Variants in GRM7 observed in about 807,000 individuals in gnomAD.
GRM7 encodes the protein glutamate metabotropic receptor 7, also known as metabotropic glutamate receptor 7.
A neutral mutation model predicts 84.5 loss-of-function variants in GRM7; 35 were observed. That is an observed-to-expected ratio of 0.41 (90% CI 0.32 to 0.55). The LOEUF is 0.55. Among genes scored for constraint, GRM7 ranks in the 20% least tolerant of loss-of-function variants. The pLI is 0.19. For synonymous variants in GRM7, 487 were observed against 455.1 expected (o/e 1.07, Z -0.89); for missense variants, 1,003 against 1,194.6 (o/e 0.84, Z 2.36).
At chr3:7,409,576 TTGTTTTGTTTTG>T (rs1395102274) in intron 4 of GRM7, among the ~76,000 whole-genome samples, 4 of 10,210 alleles carry the variant, frequency 3.9e-4, no homozygotes, top group South Asian at 2.5e-3. Context: ...TGTTTTGTGT[TTGTTTTGTTTTG>T]TTTTGTTTTG....
chr3:7,281,425 A>C (rs2124996074), intron 2 of GRM7, among the ~76,000 whole-genome samples: 1 of 152,294 alleles, frequency 6.6e-6, no homozygotes, highest in Non-Finnish European at 1.5e-5. Context: ...GGAAGATCTC[A>C]ATAAATTGTG....
chr3:7,233,864 G>T (rs1339982502), intron 2 of GRM7, among the ~76,000 whole-genome samples: 2 of 152,104 alleles, frequency 1.3e-5, no homozygotes, highest in African/African-American at 4.8e-5. Flanking sequence ...TTTGCTTTAA[G>T]ACCTCTAATC....
chr3:7,211,397 G>T (rs894062506), intron 2 of GRM7, among the ~76,000 whole-genome samples: 1 of 152,144 alleles, frequency 6.6e-6, no homozygotes, highest in African/African-American at 2.4e-5. Flanking sequence ...TCTGATGCAG[G>T]TGGAAAGAGA....
At chr3:7,534,877 C>T (rs560863213) in intron 7 of GRM7, among the ~76,000 whole-genome samples, 1 of 152,196 alleles carries the variant, frequency 6.6e-6, no homozygotes, top group African/African-American at 2.4e-5. Flanking sequence ...AATGCATTTT[C>T]TTATATAATG....
intron 8 of GRM7, among the ~76,000 whole-genome samples, chr3:7,609,633 A>G (rs1696754904): frequency 6.6e-6 from 1 of 152,066 alleles, no homozygotes; most frequent in African/African-American, 2.4e-5. Flanking sequence ...TGAGATATAA[A>G]TGGAGTAAAT....
chr3:7,404,956 C>G (rs1178177348), intron 4 of GRM7, among the ~76,000 whole-genome samples: 1 of 152,132 alleles, frequency 6.6e-6, no homozygotes, highest in African/African-American at 2.4e-5. Context: ...CATATTATAT[C>G]AAGCTAAAGC....
chr3:7,319,899 T>C (rs1027670751), intron 4 of GRM7, among the ~76,000 whole-genome samples: 3 of 152,022 alleles, frequency 2.0e-5, no homozygotes, highest in Non-Finnish European at 4.4e-5. Context: ...AATGTACCAC[T>C]CAATGGCATT....
At chr3:7,128,730 A>G (rs1180502524) in intron 1 of GRM7, among the ~76,000 whole-genome samples, 1 of 150,526 alleles carries the variant, frequency 6.6e-6, no homozygotes, top group Non-Finnish European at 1.5e-5. Flanking sequence ...ATGGTCTTGA[A>G]CTCCTGATTT....
chr3:7,731,884 T>G (rs1047369338), intron 9 of GRM7, among the ~76,000 whole-genome samples: 5 of 152,060 alleles, frequency 3.3e-5, no homozygotes, highest in South Asian at 2.1e-4. Flanking sequence ...TGGCCCACTA[T>G]TTCATCTCTG....
chr3:7,360,901 T>C (rs771360305), intron 4 of GRM7, among the ~76,000 whole-genome samples: 11 of 152,138 alleles, frequency 7.2e-5, no homozygotes, highest in South Asian at 2.1e-4. Flanking sequence ...TCTTACGTTT[T>C]GAAAGGTCAG....
At chr3:7,314,086 A>T (rs974970425) in intron 4 of GRM7, among the ~76,000 whole-genome samples, 5 of 152,196 alleles carry the variant, frequency 3.3e-5, no homozygotes, top group Non-Finnish European at 5.9e-5. Flanking sequence ...CAATTATATT[A>T]TTGGAGGGTT....
intron 8 of GRM7, among the ~76,000 whole-genome samples, chr3:7,621,206 A>C (rs1166088215): frequency 6.6e-6 from 1 of 152,154 alleles, no homozygotes; most frequent in African/African-American, 2.4e-5. Context: ...GTTTGAAATG[A>C]GGAGCTACAC....
At chr3:7,194,992 T>C (rs966010830) in intron 2 of GRM7, among the ~76,000 whole-genome samples, 1 of 152,114 alleles carries the variant, frequency 6.6e-6, no homozygotes, top group Non-Finnish European at 1.5e-5. Context: ...CCTTATTCGC[T>C]GCTATATCCC....
At chr3:7,516,363 G>A (rs1474324984) in intron 7 of GRM7, among the ~76,000 whole-genome samples, 1 of 143,936 alleles carries the variant, frequency 6.9e-6, no homozygotes, top group Non-Finnish European at 1.5e-5. Flanking sequence ...TGTAGTCCCA[G>A]CTACTTGGGG....
chr3:7,407,698 T>C (rs959850399), intron 4 of GRM7, among the ~76,000 whole-genome samples: 6 of 152,198 alleles, frequency 3.9e-5, no homozygotes, highest in South Asian at 2.1e-4. Context: ...TTAAAAAGTA[T>C]AGTTTGATAG....
At chr3:7,624,472 A>ATTT (rs199499292) in intron 8 of GRM7, among the ~76,000 whole-genome samples, 2,973 of 152,318 alleles carry the variant, frequency 0.02, 31 homozygotes, top group Non-Finnish European at 0.032. Context: ...ATAATCAAGT[A>ATTT]CCTGATAATA....
At chr3:7,577,540 T>G (rs1275410024) in intron 7 of GRM7, among the ~76,000 whole-genome samples, 1 of 152,196 alleles carries the variant, frequency 6.6e-6, no homozygotes, top group African/African-American at 2.4e-5. Flanking sequence ...ATGCCTACTC[T>G]AAGGAGATTT....
intron 7 of GRM7, among the ~76,000 whole-genome samples, chr3:7,549,004 TG>T (rs1389745030): frequency 6.6e-6 from 1 of 152,190 alleles, no homozygotes; most frequent in Non-Finnish European, 1.5e-5. Context: ...AAAGTTTTCT[TG>T]GTAAGTAGAG....
intron 8 of GRM7, among the ~76,000 whole-genome samples, chr3:7,656,068 A>G (rs1020245361): frequency 1.3e-5 from 2 of 152,206 alleles, no homozygotes; most frequent in African/African-American, 4.8e-5. Context: ...TGTGCTTGGC[A>G]TATAATAGCA....
Sources: allele counts gnomAD v4.1 joint callset (sites outside exome capture counted in the v4.1 genomes callset), GRCh38; gene constraint gnomAD v4.1.1; transcripts MANE v1.5; gene names NCBI Gene and HGNC (gene_info 2026-07-23, HGNC 2026-07-21).